CDH12: variants seen among roughly 807,000 people sequenced by gnomAD.
CDH12 encodes cadherin 12, also known as cadherin-12.
In CDH12, 41 loss-of-function variants were observed where a neutral mutation model predicts 74.1. The observed-to-expected ratio is 0.55, with a 90% CI of 0.43 to 0.72. CDH12 has a LOEUF of 0.72. CDH12 is among the 30% of genes least tolerant of loss of function. The pLI is 0.00. For missense variants in CDH12, 945 were observed against 977.2 expected (o/e 0.97, Z 0.44); for synonymous variants, 399 against 355.0 (o/e 1.12, Z -1.39).
At chr5:22,827,663 C>T (rs1432985001) in intron 1 of CDH12, among the ~76,000 whole-genome samples, 1 of 152,122 alleles carries the variant, frequency 6.6e-6, no homozygotes, top group Non-Finnish European at 1.5e-5. Context: ...GTGTGCATCT[C>T]AGAATAGTAT....
At chr5:22,033,693 G>A (rs1738982693) in intron 5 of CDH12, among the ~76,000 whole-genome samples, 1 of 152,144 alleles carries the variant, frequency 6.6e-6, no homozygotes, top group African/African-American at 2.4e-5. Context: ...TGGATATTGA[G>A]TGAGAAGAAG....
At chr5:22,064,153 T>A (rs553001475) in intron 5 of CDH12, among the ~76,000 whole-genome samples, 2 of 152,240 alleles carry the variant, frequency 1.3e-5, no homozygotes, top group South Asian at 4.1e-4. Flanking sequence ...CAACCAAATG[T>A]GGATCAGAAA....
At chr5:22,602,090 A>G (rs1472949971) in intron 1 of CDH12, among the ~76,000 whole-genome samples, 1 of 152,174 alleles carries the variant, frequency 6.6e-6, no homozygotes, top group African/African-American at 2.4e-5. Flanking sequence ...ATTTCCAATT[A>G]TTAAAGAATT....
intron 3 of CDH12, among the ~76,000 whole-genome samples, chr5:22,362,420 G>C (rs2126308054): frequency 1.3e-5 from 2 of 152,252 alleles, no homozygotes; most frequent in Admixed American, 1.3e-4. Context: ...TCATTAAAAA[G>C]TCAGGAAACA....
chr5:22,304,698 T>C (rs1003887559), intron 3 of CDH12, among the ~76,000 whole-genome samples: 11 of 152,226 alleles, frequency 7.2e-5, no homozygotes, highest in African/African-American at 2.7e-4. Flanking sequence ...GCATCAATTA[T>C]AACCTGAGGA....
Position 21,975,307 on chromosome 5 carries a change from T to C in CDH12, c.310A>G (p.Ile104Val). 8.1e-6 allele frequency: 13 copies of C among 1,597,258 alleles called. No individual in the cohort carries two copies. Among genetic ancestry groups the C allele is most frequent in the South Asian group, 1.1e-5 (1 of 90,990 alleles). The change falls in exon 6 of 15, where the codon ATT becomes GTT. Residue 104 changes from isoleucine (I) to valine (V), a missense_variant. This residue lies in a region of CDH12 where 148 missense variants were observed against 162.8 expected (regional missense o/e 0.91). Transcript: ENST00000382254. ...SGDGAGTVFT[I>V]DETTGDIHAI... ...TGAATGTCCCCTGTGGTTTCATCAA[T>C]GGTAAAAACGGTGCCAGCGCCATCT...
chr5:21,838,897 C>T (rs1283276857), intron 8 of CDH12, among the ~76,000 whole-genome samples: 1 of 152,184 alleles, frequency 6.6e-6, no homozygotes, highest in East Asian at 1.9e-4. Context: ...ACATGGATTG[C>T]ATTCTTCCAC....
At chr5:22,050,996 A>T (rs1165073104) in intron 5 of CDH12, among the ~76,000 whole-genome samples, 1 of 152,156 alleles carries the variant, frequency 6.6e-6, no homozygotes, top group East Asian at 1.9e-4. Flanking sequence ...GTAGATTCCC[A>T]CATCCTATGG....
intron 3 of CDH12, among the ~76,000 whole-genome samples, chr5:22,389,719 C>A (rs2126413277): frequency 6.7e-6 from 1 of 149,716 alleles, no homozygotes; most frequent in East Asian, 2.0e-4. Flanking sequence ...ATGGTCTCAG[C>A]TCACTGCAAG....
chr5:22,361,250 A>T (rs920244360), intron 3 of CDH12, among the ~76,000 whole-genome samples: 3 of 152,316 alleles, frequency 2.0e-5, no homozygotes, highest in Non-Finnish European at 2.9e-5. Flanking sequence ...TACAAAATCA[A>T]TGTGCAAAAA....
At chr5:22,682,821 C>CA (rs913693465) in intron 1 of CDH12, among the ~76,000 whole-genome samples, 1 of 151,698 alleles carries the variant, frequency 6.6e-6, no homozygotes, top group Admixed American at 6.6e-5. Flanking sequence ...CAAAACAAAA[C>CA]AAAAAACTAT....
intron 3 of CDH12, among the ~76,000 whole-genome samples, chr5:22,392,220 C>G (rs1233384342): frequency 6.6e-6 from 1 of 152,172 alleles, no homozygotes; most frequent in Non-Finnish European, 1.5e-5. Flanking sequence ...ACCTGCCTGA[C>G]AGACGGTGCC....
intron 5 of CDH12, among the ~76,000 whole-genome samples, chr5:22,023,351 A>T (rs776856494): frequency 2.0e-5 from 3 of 152,060 alleles, no homozygotes; most frequent in Non-Finnish European, 2.9e-5. Flanking sequence ...ATTCATCATG[A>T]TTTGTCCAAT....
intron 6 of CDH12, among the ~76,000 whole-genome samples, chr5:21,860,100 C>T (rs1750961542): frequency 6.6e-6 from 1 of 151,900 alleles, no homozygotes; most frequent in Admixed American, 6.6e-5. Flanking sequence ...TCATCTATAC[C>T]AGCCACGACC....
chr5:22,360,120 C>CA (rs1479324530), intron 3 of CDH12, among the ~76,000 whole-genome samples: 1 of 151,906 alleles, frequency 6.6e-6, no homozygotes, highest in African/African-American at 2.4e-5. Context: ...AAAAAACCTT[C>CA]AAAAAATCAA....
At chr5:22,812,773 G>A (rs568827602) in intron 1 of CDH12, among the ~76,000 whole-genome samples, 1 of 152,258 alleles carries the variant, frequency 6.6e-6, no homozygotes, top group African/African-American at 2.4e-5. Flanking sequence ...CAGTTCCTAT[G>A]TGAGTCAGAT....
At chr5:22,839,113 T>G (rs1736972656) in intron 1 of CDH12, among the ~76,000 whole-genome samples, 1 of 152,220 alleles carries the variant, frequency 6.6e-6, no homozygotes. Context: ...TTTCTATTGC[T>G]TTCTTGATGT....
chr5:22,201,741 T>C (rs1750935259), intron 4 of CDH12, among the ~76,000 whole-genome samples: 1 of 152,096 alleles, frequency 6.6e-6, no homozygotes, highest in African/African-American at 2.4e-5. Context: ...AGAGAAGCCT[T>C]AACATGGGGG....
intron 4 of CDH12, among the ~76,000 whole-genome samples, chr5:22,101,343 A>G (rs12514195): frequency 0.2 from 30,020 of 152,138 alleles, 3,779 homozygotes; most frequent in East Asian, 0.46. Flanking sequence ...TGTATTGTAT[A>G]TTTATATGTA....
Sources: gnomAD v4.1 joint callset for allele counts (sites outside exome capture counted in the v4.1 genomes callset) on GRCh38, gnomAD v4.1.1 for gene constraint, gnomAD v4.1.1 regional missense constraint, MANE v1.5 for transcripts, NCBI Gene and HGNC (gene_info 2026-07-23, HGNC 2026-07-21) for gene names.